The following RORA variants were observed in gnomAD, a reference collection of about 807,000 sequenced individuals.
The protein encoded by RORA is nuclear receptor ROR-alpha.
Under a neutral mutation model 69.5 loss-of-function variants are expected in RORA, and 7 were observed. That is an observed-to-expected ratio of 0.10 (90% CI 0.06 to 0.19). RORA has a LOEUF of 0.19. Among genes scored for constraint, RORA ranks in the 10% least tolerant of loss-of-function variants. The pLI is 1.00. For missense variants in RORA, 457 were observed against 663.0 expected (o/e 0.69, Z 3.41); for synonymous variants, 261 against 240.8 (o/e 1.08, Z -0.78).
At chr15:60,963,213 T>C (rs895378237) in intron 1 of RORA, among the ~76,000 whole-genome samples, 2 of 152,230 alleles carry the variant, frequency 1.3e-5, no homozygotes, top group African/African-American at 4.8e-5. Flanking sequence ...CCAAGCTGAA[T>C]AGCCAATGGG....
intron 1 of RORA, among the ~76,000 whole-genome samples, chr15:60,688,233 G>A (rs1400317821): frequency 1.3e-5 from 2 of 151,294 alleles, no homozygotes; most frequent in African/African-American, 4.9e-5. Flanking sequence ...AAGTCCCAAA[G>A]CATAGTATAT....
intron 1 of RORA, among the ~76,000 whole-genome samples, chr15:60,835,609 C>T (rs1243593255): frequency 6.6e-6 from 1 of 152,160 alleles, no homozygotes; most frequent in Non-Finnish European, 1.5e-5. Context: ...TCATGGCAAT[C>T]GTGATTTCAG....
intron 1 of RORA, among the ~76,000 whole-genome samples, chr15:61,172,824 T>C (rs1042204704): frequency 2.0e-5 from 3 of 152,064 alleles, no homozygotes; most frequent in African/African-American, 7.3e-5. Context: ...AAGGAGCATG[T>C]ATCCTGGGCT....
chr15:61,098,106 TC>T (rs1436737013), intron 1 of RORA, among the ~76,000 whole-genome samples: 1 of 117,688 alleles, frequency 8.5e-6, no homozygotes, highest in Non-Finnish European at 1.7e-5. Context: ...CCTCCTTCCC[TC>T]CCTCCCTCCT....
At chr15:60,973,008 AC>A (rs942996944) in intron 1 of RORA, among the ~76,000 whole-genome samples, 5 of 151,292 alleles carry the variant, frequency 3.3e-5, no homozygotes, top group Admixed American at 2.6e-4. Context: ...AAAAAAAAAA[AC>A]AATCAATGAG....
At chr15:60,693,131 C>T (rs561896340) in intron 1 of RORA, among the ~76,000 whole-genome samples, 40 of 152,290 alleles carry the variant, frequency 2.6e-4, no homozygotes, top group Non-Finnish European at 5.9e-5. Flanking sequence ...CCCCGGGATG[C>T]AAGGCTGGTT....
At chr15:61,187,590 G>A (rs1340868889) in intron 1 of RORA, among the ~76,000 whole-genome samples, 2 of 152,212 alleles carry the variant, frequency 1.3e-5, no homozygotes, top group African/African-American at 4.8e-5. Context: ...ACAGGGAACA[G>A]CGCAGGGCTA....
At chr15:61,160,023 G>C (rs975213453) in intron 1 of RORA, among the ~76,000 whole-genome samples, 6 of 152,146 alleles carry the variant, frequency 3.9e-5, no homozygotes, top group Non-Finnish European at 7.4e-5. Flanking sequence ...CGATCACCAG[G>C]TGTGTGACCT....
At chr15:60,846,650 A>G (rs2073269197) in intron 1 of RORA, among the ~76,000 whole-genome samples, 1 of 152,234 alleles carries the variant, frequency 6.6e-6, no homozygotes, top group Non-Finnish European at 1.5e-5. Flanking sequence ...AAAATGGTCA[A>G]GCTGCCTTTT....
chr15:60,842,278 C>T (rs2073209187), intron 1 of RORA, among the ~76,000 whole-genome samples: 1 of 152,142 alleles, frequency 6.6e-6, no homozygotes, highest in Non-Finnish European at 1.5e-5. Flanking sequence ...TATTTAATAT[C>T]ATCCCTGCAG....
chr15:60,666,901 A>C (rs1390883448), intron 2 of RORA, among the ~76,000 whole-genome samples: 5 of 152,204 alleles, frequency 3.3e-5, no homozygotes, highest in African/African-American at 1.2e-4. Flanking sequence ...AAAACCTTAC[A>C]GGAGGTTGAA....
At chr15:60,794,167 C>T (rs564188283) in intron 1 of RORA, among the ~76,000 whole-genome samples, 1 of 152,284 alleles carries the variant, frequency 6.6e-6, no homozygotes, top group East Asian at 1.9e-4. Context: ...ATGCCACATT[C>T]ATATAATTAT....
chr15:60,859,738 T>C (rs2073419215), intron 1 of RORA, among the ~76,000 whole-genome samples: 1 of 151,422 alleles, frequency 6.6e-6, no homozygotes, highest in Admixed American at 6.6e-5. Context: ...CTTATGTGAT[T>C]TGTGGCCACA....
At chr15:60,521,399 A>G (rs1451951304) in intron 3 of RORA, among the ~76,000 whole-genome samples, 2 of 151,734 alleles carry the variant, frequency 1.3e-5, no homozygotes, top group East Asian at 1.9e-4. Context: ...GCACCACCAC[A>G]CCGAGCTAAT....
chr15:61,067,995 T>C (rs2078288902), intron 1 of RORA, among the ~76,000 whole-genome samples: 1 of 152,230 alleles, frequency 6.6e-6, no homozygotes, highest in South Asian at 2.1e-4. Context: ...GGTCTTTGAT[T>C]CCAGCATCCT....
At chr15:60,719,039 G>C (rs1048091753) in intron 1 of RORA, among the ~76,000 whole-genome samples, 2 of 105,820 alleles carry the variant, frequency 1.9e-5, no homozygotes, top group African/African-American at 3.9e-5. Context: ...GTGTGTGTGG[G>C]GGGGGTGTGT....
chr15:61,114,956 G>A (rs1463494966), intron 1 of RORA, among the ~76,000 whole-genome samples: 1 of 152,220 alleles, frequency 6.6e-6, no homozygotes, highest in Non-Finnish European at 1.5e-5. Flanking sequence ...TTAAAACGCT[G>A]ACTAGTTATT....
At chr15:60,660,633 G>A (rs2070289654) in intron 2 of RORA, among the ~76,000 whole-genome samples, 1 of 152,134 alleles carries the variant, frequency 6.6e-6, no homozygotes, top group Admixed American at 6.6e-5. Context: ...GAAGGGAGGT[G>A]AACAGTTTCT....
chr15:60,515,840 G>T (rs984406736), intron 3 of RORA, among the ~76,000 whole-genome samples: 1 of 141,250 alleles, frequency 7.1e-6, no homozygotes, highest in Non-Finnish European at 1.5e-5. Context: ...GAGTAGCTGG[G>T]ACTGTAGGTG....
Sources: gnomAD v4.1 joint callset for allele counts (sites outside exome capture counted in the v4.1 genomes callset) on GRCh38, gnomAD v4.1.1 for gene constraint, MANE v1.5 for transcripts, NCBI Gene and HGNC (gene_info 2026-07-23, HGNC 2026-07-21) for gene names.